TTC21B: variants seen among roughly 807,000 people sequenced by gnomAD.
The protein encoded by TTC21B is tetratricopeptide repeat protein 21B.
In TTC21B, 127 loss-of-function variants were observed where a neutral mutation model predicts 175.1. The observed-to-expected ratio is 0.73, with a 90% CI of 0.63 to 0.84. The LOEUF (loss-of-function observed/expected upper bound fraction) is 0.84, where lower values mean the gene tolerates loss of function less well. TTC21B is among the 40% of genes least tolerant of loss of function. The pLI is 0.00. For synonymous variants in TTC21B, 524 were observed against 524.5 expected, an observed-to-expected ratio of 1.00 and a Z score of 0.01; for missense variants, 1,561 against 1,558.3, an observed-to-expected ratio of 1.00 and a Z score of -0.03.
intron 28 of TTC21B, 97 bp from the exon 29 acceptor site, chr2:165,874,929 T>C: frequency 1.9e-6 from 2 of 1,037,756 alleles, no homozygotes; most frequent in Admixed American, 3.8e-5. Flanking sequence ...CAGTTAAGAT[T>C]TCCTTGTACT....
chr2:165,953,579 C>A, intron 1 of TTC21B, 106 bp downstream of exon 1: 4 of 1,512,462 alleles, frequency 2.6e-6, no homozygotes, highest in African/African-American at 1.4e-5. Flanking sequence ...AGGGAAACAG[C>A]GGCCTAGCGA....
chr2:165,953,612 C>A, intron 1 of TTC21B, 73 bp downstream of exon 1: 20 of 1,532,704 alleles, frequency 1.3e-5, no homozygotes, highest in Non-Finnish European at 1.7e-5. Flanking sequence ...TCCCTCCGCG[C>A]CCCCGGGCCA....
intron 11 of TTC21B, among the ~76,000 whole-genome samples, chr2:165,926,990 C>CTATA (rs1686654535): frequency 9.3e-4 from 5 of 5,404 alleles, no homozygotes; most frequent in Non-Finnish European, 2.7e-3. Flanking sequence ...ATATAAACTC[C>CTATA]CATATATATA....
chr2:165,908,350 G>C (rs1373495376), intron 18 of TTC21B, among the ~76,000 whole-genome samples: 2 of 152,014 alleles, frequency 1.3e-5, no homozygotes, highest in African/African-American at 4.8e-5. Context: ...TACCTCACAG[G>C]GTGGATGCAA....
intron 17 of TTC21B, 76 bp downstream of exon 17, chr2:165,912,438 G>T (rs1451387567): frequency 3.6e-6 from 4 of 1,120,908 alleles, no homozygotes; most frequent in Non-Finnish European, 5.5e-6. Context: ...TGCAAATGGT[G>T]CTCGCTGAAG....
intron 15 of TTC21B, among the ~76,000 whole-genome samples, chr2:165,914,443 T>TA (rs1686067270): frequency 6.6e-6 from 1 of 152,214 alleles, no homozygotes; most frequent in Admixed American, 6.5e-5. Context: ...TCCATCTGTC[T>TA]AAACATGCGG....
At position 165,913,631 on chromosome 2, in the gene TTC21B, T is replaced by G; in HGVS notation, c.2154A>C (p.Arg718Ser). 1 of 1,612,828 alleles carries G rather than the reference T, an allele frequency of 6.2e-7. No individual in the cohort carries two copies. Among genetic ancestry groups the G allele is most frequent in the Non-Finnish European group, 8.5e-7 (1 of 1,178,986 alleles). Residue 718 changes from arginine to serine, a missense_variant, in exon 16 of 29, where the codon AGA becomes AGC. Transcript: ENST00000243344. ...YITCFREIAE[R>S]MANPRSFLLL... Reference sequence around the variant, plus strand: ...GAAGAAAAGACCGAGGGTTAGCCATTCTTTCAGCAATTTCTCTGGAAATCA... The same window carrying G: ...GAAGAAAAGACCGAGGGTTAGCCATGCTTTCAGCAATTTCTCTGGAAATCA...
In TTC21B at chr2:165,907,652, C is replaced by T. The variant is rs200619817; in HGVS notation, c.2568+26G>A. ...TCTGCATCCATCTCCTACCTCATGA[C>T]CACACTCACAGACAAATGTGTTTAC... On this transcript the variant is annotated intron_variant, in intron 19 of 28. Transcript: ENST00000243344. 74 of 1,494,912 alleles carry T rather than the reference C, an allele frequency of 5.0e-5. No individual in the cohort carries two copies. The African/African-American group carries it at 9.1e-4, about 18-fold the overall frequency. The allele number at this position is 1,494,912 out of a possible 1,614,324, so 92.6% of individuals were successfully genotyped here. A position where few individuals can be genotyped will look rare whatever the true frequency, so the allele number is the denominator to read the frequency against.
At chr2:165,890,210 T>C (rs896766348) in intron 24 of TTC21B, among the ~76,000 whole-genome samples, 7 of 152,228 alleles carry the variant, frequency 4.6e-5, no homozygotes, top group East Asian at 1.9e-4. Flanking sequence ...AGTGTCTTCA[T>C]AGCATGTCTA....
At chr2:165,875,625 T>C (rs12470767) in intron 28 of TTC21B, among the ~76,000 whole-genome samples, 21,854 of 152,090 alleles carry the variant, frequency 0.14, 1,835 homozygotes, top group East Asian at 0.33. Flanking sequence ...CAGAATGCAA[T>C]TGAATGACTT....
intron 22 of TTC21B, among the ~76,000 whole-genome samples, chr2:165,896,659 C>T (rs1685375502): frequency 6.6e-6 from 1 of 152,130 alleles, no homozygotes; most frequent in African/African-American, 2.4e-5. Context: ...AATGAGGCAG[C>T]AGCCAGATAG....
chr2:165,880,811 T>C lies in TTC21B; in HGVS notation c.3685-12A>G. The stretch of plus-strand genomic sequence containing the variant: ...GCTTTGCAGCAAGACTGAAGAAAAA[T>C]GGGAGACATCAATAGATTAAACTTG... On this transcript the variant is annotated splice_polypyrimidine_tract_variant and intron_variant, in intron 26 of 28. Coordinates refer to ENST00000243344, the MANE Select transcript of TTC21B (RefSeq NM_024753.5). The C allele has an allele frequency of 2.5e-6, 4 of 1,611,088 alleles. No individual in the cohort carries two copies. The highest frequency in any genetic ancestry group is 3.4e-6 in the Non-Finnish European group (4 of 1,178,980).
rs374229097 is a variant in TTC21B at position 165,924,543 on chromosome 2, C to T, written c.1516+6G>A. The T allele has an allele frequency of 2.2e-5, 36 of 1,612,398 alleles. No homozygotes were observed. The highest frequency in any genetic ancestry group is 2.8e-5 in the Non-Finnish European group (33 of 1,179,106). On this transcript the variant is annotated splice_donor_region_variant and intron_variant, in intron 12 of 28. Coordinates refer to ENST00000243344, the MANE Select transcript of TTC21B (RefSeq NM_024753.5). ...AAAGGTTAAAAGTTTTTAAGGTATA[C>T]TCTACCTGACAAATATTTCACTTTT...
At position 165,876,146 on chromosome 2, in the gene TTC21B, T is replaced by C. The variant is rs371236669; in HGVS notation, c.3873+19A>G. The C allele has an allele frequency of 4.1e-5, 63 of 1,527,926 alleles. No homozygotes were observed. Among genetic ancestry groups the C allele is most frequent in the Non-Finnish European group, 5.4e-5 (60 of 1,105,484 alleles). 94.6% of individuals were successfully genotyped at this position (1,527,926 alleles called of 1,614,324 possible). A position where few individuals can be genotyped will look rare whatever the true frequency, so the allele number is the denominator to read the frequency against. Reference sequence around the variant, plus strand: ...TGTGCATCTGAAAAATTTTAAGAAATCTAAATTTAAGTGTTTACCTGGTGA... The same window carrying C: ...TGTGCATCTGAAAAATTTTAAGAAACCTAAATTTAAGTGTTTACCTGGTGA... On this transcript the variant is annotated intron_variant, in intron 28 of 28. Coordinates refer to ENST00000243344, the MANE Select transcript of TTC21B (RefSeq NM_024753.5).
At chr2:165,894,861 T>C (rs1440864626) in intron 22 of TTC21B, among the ~76,000 whole-genome samples, 1 of 152,188 alleles carries the variant, frequency 6.6e-6, no homozygotes. Flanking sequence ...TGCACATAAA[T>C]ATTTTTAGTA....
At chr2:165,949,914 A>C (rs2105370831) in intron 1 of TTC21B, 190 bp from the exon 2 acceptor site, 1 of 523,416 alleles carries the variant, frequency 1.9e-6, no homozygotes, top group East Asian at 3.2e-5. Flanking sequence ...AATGATCATA[A>C]AATTACTGAA....
intron 12 of TTC21B, 57 bp downstream of exon 12, chr2:165,924,492 G>T (rs1047593981): frequency 2.0e-6 from 3 of 1,536,606 alleles, no homozygotes; most frequent in African/African-American, 1.4e-5. Context: ...ATTTATTTAC[G>T]CTTGTTTTTA....
chr2:165,895,039 A>G (rs777549036), intron 22 of TTC21B, among the ~76,000 whole-genome samples: 1 of 152,088 alleles, frequency 6.6e-6, no homozygotes, highest in Non-Finnish European at 1.5e-5. Context: ...CCAGCACCAC[A>G]TAAGACATTT....
At position 165,910,130 on chromosome 2, in the gene TTC21B, G is replaced by A. The variant is rs573563726; in HGVS notation, c.2461+1197C>T. On this transcript the variant is annotated intron_variant, in intron 18 of 28. Coordinates refer to ENST00000243344, the MANE Select transcript of TTC21B (RefSeq NM_024753.5). ...TAAAAATAAAGATCTTAGGCCAGGC[G>A]CGGTGGCTCACGCCTGTAATCCCAG... Among the ~76,000 whole-genome samples, 3 of 152,258 alleles carry A rather than the reference G, an allele frequency of 2.0e-5. No individual in the cohort carries two copies. The South Asian group carries it at 6.2e-4, about 32-fold the overall frequency.
Sources: gnomAD v4.1 joint callset for allele counts (sites outside exome capture counted in the v4.1 genomes callset) on GRCh38, gnomAD v4.1.1 for gene constraint, MANE v1.5 for transcripts, NCBI Gene and HGNC (gene_info 2026-07-23, HGNC 2026-07-21) for gene names.